FOXO1: variants seen among roughly 807,000 people sequenced by gnomAD.
The protein encoded by FOXO1 is forkhead box O1.
FOXO1 carries 6 observed loss-of-function variants against 44.1 expected under a neutral mutation model. The ratio of observed to expected loss-of-function variants is 0.14; its 90% CI spans 0.07 to 0.27. The LOEUF (loss-of-function observed/expected upper bound fraction) is 0.27, where lower values mean the gene tolerates loss of function less well. Among genes scored for constraint, FOXO1 ranks in the 10% least tolerant of loss-of-function variants. The pLI, the probability that FOXO1 is intolerant of heterozygous loss-of-function variation, is 1.00. For synonymous variants in FOXO1, 380 were observed against 362.7 expected (o/e 1.05, Z -0.54); for missense variants, 737 against 888.8 (o/e 0.83, Z 2.17).
intron 1 of FOXO1, among the ~76,000 whole-genome samples, chr13:40,611,464 G>T (rs1876227187): frequency 6.6e-6 from 1 of 152,188 alleles, no homozygotes; most frequent in African/African-American, 2.4e-5. Context: ...CAAATTTGAA[G>T]ATAAAAATAT....
At chr13:40,606,937 C>T (rs1876021279) in intron 1 of FOXO1, among the ~76,000 whole-genome samples, 1 of 152,218 alleles carries the variant, frequency 6.6e-6, no homozygotes, top group Non-Finnish European at 1.5e-5. Context: ...TCATGCAATG[C>T]TCTCAGATCT....
chr13:40,624,197 C>T (rs1876709990), intron 1 of FOXO1, among the ~76,000 whole-genome samples: 1 of 151,370 alleles, frequency 6.6e-6, no homozygotes, highest in South Asian at 2.1e-4. Flanking sequence ...AGATATGTGG[C>T]CTAATCCCAA....
At chr13:40,624,480 CAT>C (rs1294530771) in intron 1 of FOXO1, among the ~76,000 whole-genome samples, 1 of 152,104 alleles carries the variant, frequency 6.6e-6, no homozygotes, top group Non-Finnish European at 1.5e-5. Flanking sequence ...TCACTTATAA[CAT>C]GTGTTGTAAG....
At position 40,560,931 on chromosome 13, in the gene FOXO1, T is replaced by G; in HGVS notation, c.631-71A>C. The G allele has an allele frequency of 6.9e-7, 1 of 1,443,170 alleles. No individual in the cohort carries two copies. Among genetic ancestry groups the G allele is most frequent in the Non-Finnish European group, 9.3e-7 (1 of 1,074,390 alleles). 89.4% of individuals were successfully genotyped at this position (1,443,170 alleles called of 1,614,324 possible). ...GCAAAACTTCCTATTCTACATGTAT[T>G]ACATGGAAAACAAGTAAAAAATCTT... On this transcript the variant is annotated intron_variant, in intron 1 of 2. Coordinates refer to ENST00000379561, the MANE Select transcript of FOXO1 (RefSeq NM_002015.4). The surrounding 1 kb of genome is among the most constrained non-coding windows in gnomAD (Gnocchi z 5.1).
chr13:40,618,319 C>T (rs1041863176), intron 1 of FOXO1, among the ~76,000 whole-genome samples: 4 of 152,140 alleles, frequency 2.6e-5, no homozygotes, highest in Admixed American at 6.5e-5. Flanking sequence ...CCACCCATCT[C>T]ACCCTACACT....
At chr13:40,570,931 C>T (rs1874466294) in intron 1 of FOXO1, among the ~76,000 whole-genome samples, 1 of 152,196 alleles carries the variant, frequency 6.6e-6, no homozygotes, top group South Asian at 2.1e-4. Context: ...ACAAGGCATT[C>T]ATCTTAATCA....
At chr13:40,599,866 T>C (rs1875753195) in intron 1 of FOXO1, among the ~76,000 whole-genome samples, 1 of 152,130 alleles carries the variant, frequency 6.6e-6, no homozygotes, top group Admixed American at 6.5e-5. Flanking sequence ...AGGTGAAATG[T>C]TATAATTAAA....
In FOXO1 at chr13:40,559,923, G is replaced by A. The variant is rs1378329825; in HGVS notation, c.1568C>T (p.Thr523Ile). The A allele has an allele frequency of 6.2e-7, 1 of 1,614,196 alleles. No homozygotes were observed. The highest frequency in any genetic ancestry group is 2.2e-5 in the East Asian group (1 of 44,880). Residue 523 changes from threonine (T) to isoleucine (I), a missense_variant, in exon 2 of 3, where the codon ACC (threonine) becomes ATC (isoleucine). By Grantham distance (89) the Thr-to-Ile change is moderately conservative (BLOSUM62 -1). Coordinates refer to ENST00000379561, the MANE Select transcript of FOXO1 (RefSeq NM_002015.4). ...HNKMMNPSSH[T>I]HPGHAQQTSA... ...TGTCTGCTGAGCATGTCCAGGGTGG[G>A]TATGGGAGCTGGGATTCATCATTTT...
chr13:40,586,372 A>C (rs192448233), intron 1 of FOXO1, among the ~76,000 whole-genome samples: 1 of 152,294 alleles, frequency 6.6e-6, no homozygotes, highest in East Asian at 1.9e-4. Flanking sequence ...TTCTCTCTCT[A>C]AGAAGGGCTT....
chr13:40,649,243 G>GA (rs1449025502), intron 1 of FOXO1, among the ~76,000 whole-genome samples: 3 of 152,170 alleles, frequency 2.0e-5, no homozygotes, highest in Non-Finnish European at 4.4e-5. Context: ...ATTCTGTCTT[G>GA]AAAAGAATCC....
intron 1 of FOXO1, among the ~76,000 whole-genome samples, chr13:40,571,924 G>T (rs1371693277): frequency 6.6e-6 from 1 of 152,174 alleles, no homozygotes; most frequent in Admixed American, 6.5e-5. Flanking sequence ...TTCTGATGAA[G>T]AATTTAAATT....
rs2137951476 is a variant in FOXO1, at chr13:40,666,376, G to A, written c.-164C>T. The A allele has an allele frequency of 3.9e-6, 2 of 518,552 alleles. No individual in the cohort carries two copies. Among genetic ancestry groups the A allele is most frequent in the Non-Finnish European group, 6.4e-6 (2 of 311,956 alleles). The allele number at this position is 518,552 out of a possible 1,614,324, so 32.1% of individuals were successfully genotyped here. ...GGGAGGAAGGCGCGGCGGAGTGGAA[G>A]CGCGAGCCCAGAACTTAACTTCGCG... On this transcript the variant is annotated 5_prime_UTR_variant, in exon 1 of 3. Coordinates refer to ENST00000379561, the MANE Select transcript of FOXO1 (RefSeq NM_002015.4).
intron 1 of FOXO1, among the ~76,000 whole-genome samples, chr13:40,570,285 G>A (rs540405587): frequency 4.5e-4 from 68 of 151,610 alleles, no homozygotes; most frequent in African/African-American, 1.4e-3. Flanking sequence ...ACTCCAGCCC[G>A]GCAACAGAGC....
intron 1 of FOXO1, among the ~76,000 whole-genome samples, chr13:40,584,469 C>CAAAAAAAAAAAAAAAAAA (rs55733141): frequency 7.9e-5 from 5 of 63,110 alleles, no homozygotes; most frequent in South Asian, 7.1e-4. Context: ...ACAAAAAATG[C>CAAAAAAAAAAAAAAAAAA]AAAAAAAAAA....
At chr13:40,597,031 C>G (rs1377416546) in intron 1 of FOXO1, among the ~76,000 whole-genome samples, 1 of 152,198 alleles carries the variant, frequency 6.6e-6, no homozygotes, top group African/African-American at 2.4e-5. Flanking sequence ...CTTCATGAGC[C>G]AGCAGCAACT....
Position 40,666,066 on chromosome 13 carries a change from A to C in FOXO1, c.147T>G (p.Ala49=). 7.6e-7 allele frequency: 1 copy of C among 1,323,388 alleles called. No individual in the cohort carries two copies. Among genetic ancestry groups the C allele is most frequent in the Non-Finnish European group, 9.6e-7 (1 of 1,039,722 alleles). 82.0% of individuals were successfully genotyped at this position (1,323,388 alleles called of 1,614,324 possible). Reference sequence around the variant, plus strand: ...GGCCCGCCGCGGCGTCGGGGTTGGCAGCCGCGCTGCCCGACGGCGCCGGGC... The same window carrying C: ...GGCCCGCCGCGGCGTCGGGGTTGGCCGCCGCGCTGCCCGACGGCGCCGGGC... ...TSSPAPSGSA[A]ANPDAAAGLP... The change falls in exon 1 of 3, where the codon GCT becomes GCG. Residue 49 remains alanine (A), a synonymous_variant. Transcript: ENST00000379561.
intron 1 of FOXO1, among the ~76,000 whole-genome samples, chr13:40,640,756 CTTT>C (rs1254962187): frequency 2.2e-5 from 3 of 137,056 alleles, no homozygotes; most frequent in African/African-American, 5.8e-5. Context: ...TTTGTTATTT[CTTT>C]TGTTGTTGTT....
At position 40,556,090 on chromosome 13, in the gene FOXO1, C is replaced by T. The variant is rs902745873; in HGVS notation, c.*2959G>A. On this transcript the variant is annotated 3_prime_UTR_variant, in exon 3 of 3. Coordinates refer to ENST00000379561, the MANE Select transcript of FOXO1 (RefSeq NM_002015.4). The stretch of plus-strand genomic sequence containing the variant: ...CAAACTAAAACCAGAAAAGAAACTT[C>T]TCTTTTAAAATTAGTTATAAATTAA... The T allele has an allele frequency of 6.6e-6, 1 of 152,186 alleles. No individual in the cohort carries two copies. Among genetic ancestry groups the T allele is most frequent in the Non-Finnish European group, 1.5e-5 (1 of 68,034 alleles). 9.4% of individuals were successfully genotyped at this position (152,186 alleles called of 1,614,324 possible).
chr13:40,654,322 T>TAAAAAAAAAAAAAAAA (rs11344939), intron 1 of FOXO1, among the ~76,000 whole-genome samples: 11 of 48,194 alleles, frequency 2.3e-4, no homozygotes, highest in African/African-American at 6.6e-4. Flanking sequence ...CTAAAAATAC[T>TAAAAAAAAAAAAAAAA]AAAAAAAAAA....
Sources: allele counts gnomAD v4.1 joint callset (sites outside exome capture counted in the v4.1 genomes callset), GRCh38; gene constraint gnomAD v4.1.1; non-coding constraint Gnocchi (gnomAD v3.1); transcripts MANE v1.5; gene names NCBI Gene and HGNC (gene_info 2026-07-23, HGNC 2026-07-21).